The following PSMB2 variants were observed in gnomAD, a reference collection of about 807,000 sequenced individuals.
The protein encoded by PSMB2 is proteasome subunit beta type-2.
Under a neutral mutation model 25.7 loss-of-function variants are expected in PSMB2, and 13 were observed. The observed-to-expected ratio is 0.51, with a 90% CI of 0.33 to 0.80. PSMB2 has a LOEUF of 0.80. Ranked by LOEUF, PSMB2 falls within the 30% of genes least tolerant of loss-of-function variation. The pLI, the probability that PSMB2 is intolerant of heterozygous loss-of-function variation, is 0.02. For synonymous variants in PSMB2, 87 were observed against 96.2 expected, an observed-to-expected ratio of 0.90 and a Z score of 0.56; for missense variants, 202 against 259.0, an observed-to-expected ratio of 0.78 and a Z score of 1.51.
intron 5 of PSMB2, among the ~76,000 whole-genome samples, chr1:35,604,099 A>AAAC (rs1650089602): frequency 6.6e-6 from 1 of 151,884 alleles, no homozygotes; most frequent in African/African-American, 2.4e-5. Context: ...TGTAAGAAGC[A>AAAC]AACTGACATT....
intron 1 of PSMB2, among the ~76,000 whole-genome samples, chr1:35,636,812 G>T (rs765695609): frequency 3.7e-4 from 56 of 152,290 alleles, no homozygotes; most frequent in Non-Finnish European, 7.1e-4. Context: ...AGCATCTATG[G>T]ATTTGGGTAT....
Position 35,600,534 on chromosome 1 carries a change from G to C in PSMB2, c.*2733C>G, listed in dbSNP as rs1203605212. The C allele has an allele frequency of 3.0e-6, 3 of 984,936 alleles. No individual in the cohort carries two copies. Among genetic ancestry groups the C allele is most frequent in the South Asian group, 4.7e-5 (1 of 21,274 alleles). 61.0% of individuals were successfully genotyped at this position (984,936 alleles called of 1,614,324 possible). Reference sequence around the variant, plus strand: ...TTTATTAAAAATAAATGATGCCTGGGTTTCTGACTTGGGCACTTGGGAAAC... The same window carrying C: ...TTTATTAAAAATAAATGATGCCTGGCTTTCTGACTTGGGCACTTGGGAAAC... On this transcript the variant is annotated 3_prime_UTR_variant, in exon 6 of 6. Transcript: ENST00000373237.
At chr1:35,637,883 A>C (rs900773987) in intron 1 of PSMB2, among the ~76,000 whole-genome samples, 3 of 152,240 alleles carry the variant, frequency 2.0e-5, no homozygotes, top group Non-Finnish European at 4.4e-5. Context: ...GCAAAGAAAA[A>C]GGAGCAGAAG....
chr1:35,623,346 CCA>C (rs1571133667), intron 3 of PSMB2, among the ~76,000 whole-genome samples: 5 of 152,318 alleles, frequency 3.3e-5, no homozygotes, highest in Admixed American at 2.0e-4. Context: ...CAGTGACAAT[CCA>C]CAGTTAGCTC....
At position 35,600,154 on chromosome 1, in the gene PSMB2, A is replaced by G. The variant is rs1460050619; in HGVS notation, c.*3113T>C. On this transcript the variant is annotated 3_prime_UTR_variant, in exon 6 of 6. Transcript: ENST00000373237. The stretch of plus-strand genomic sequence containing the variant: ...CAAGACCCTGTCTCTGAAAAACAAC[A>G]ATAAAAAATTATAATAAAATTAAAA... 1 of 977,378 alleles carries G rather than the reference A, an allele frequency of 1.0e-6. No homozygotes were observed. The highest frequency in any genetic ancestry group is 1.7e-5 in the African/African-American group (1 of 57,172). 60.5% of individuals were successfully genotyped at this position (977,378 alleles called of 1,614,324 possible). A position where few individuals can be genotyped will look rare whatever the true frequency, so the allele number is the denominator to read the frequency against.
rs1222312902 is a variant in PSMB2, at chr1:35,600,759, C to T, written c.*2508G>A. On this transcript the variant is annotated 3_prime_UTR_variant, in exon 6 of 6. Transcript: ENST00000373237. The stretch of plus-strand genomic sequence containing the variant: ...CTGAGAGTCAGGATGGGTTTGCAGG[C>T]TTGCCTGAGATTGCCCTGGGGACAC... 2.0e-6 allele frequency: 2 copies of T among 985,312 alleles called. No homozygotes were observed. Among genetic ancestry groups the T allele is most frequent in the Non-Finnish European group, 2.4e-6 (2 of 829,948 alleles). The allele number at this position is 985,312 out of a possible 1,614,324, so 61.0% of individuals were successfully genotyped here.
chr1:35,621,615 T>C (rs563616539), intron 3 of PSMB2, among the ~76,000 whole-genome samples: 2 of 152,362 alleles, frequency 1.3e-5, no homozygotes, highest in East Asian at 1.9e-4. Flanking sequence ...TGGCCCTTTT[T>C]TTTTCATTTT....
chr1:35,631,616 T>G, intron 2 of PSMB2: 1 of 637,464 alleles, frequency 1.6e-6, no homozygotes, highest in Non-Finnish European at 2.2e-6. Flanking sequence ...AACTATTCAT[T>G]CATCAACACA....
intron 5 of PSMB2, among the ~76,000 whole-genome samples, chr1:35,604,294 G>T (rs982834040): frequency 1.3e-5 from 2 of 152,124 alleles, no homozygotes; most frequent in African/African-American, 4.8e-5. Context: ...GTTAGAAAGG[G>T]TGTGTTCTGT....
chr1:35,638,341 A>G (rs1347315713), intron 1 of PSMB2, among the ~76,000 whole-genome samples: 5 of 152,156 alleles, frequency 3.3e-5, no homozygotes, highest in Non-Finnish European at 7.3e-5. Flanking sequence ...CATACATGAA[A>G]CAAATGGCCA....
At chr1:35,604,330 T>C (rs2148560988) in intron 5 of PSMB2, among the ~76,000 whole-genome samples, 1 of 152,328 alleles carries the variant, frequency 6.6e-6, no homozygotes, top group South Asian at 2.1e-4. Context: ...AGCCAAAGTC[T>C]ACTCTCCCCT....
intron 4 of PSMB2, 146 bp downstream of exon 4, chr1:35,609,100 G>T: frequency 1.4e-6 from 1 of 728,728 alleles, no homozygotes; most frequent in Non-Finnish European, 2.0e-6. Flanking sequence ...ACAGAAGAGT[G>T]CAGCTTCCAG....
chr1:35,633,213 C>T (rs1283402849), intron 2 of PSMB2, among the ~76,000 whole-genome samples: 2 of 150,162 alleles, frequency 1.3e-5, no homozygotes, highest in Admixed American at 6.6e-5. Context: ...AGAACGAGAC[C>T]CTGACTCAAA....
intron 2 of PSMB2, among the ~76,000 whole-genome samples, chr1:35,633,184 G>A (rs535445610): frequency 4.5e-4 from 68 of 149,974 alleles, no homozygotes; most frequent in Admixed American, 1.8e-3. Context: ...CTGCACCACT[G>A]CACTCCAATC....
intron 4 of PSMB2, 139 bp from the exon 5 acceptor site, chr1:35,605,421 T>G (rs1650136695): frequency 1.2e-6 from 1 of 858,470 alleles, no homozygotes; most frequent in Non-Finnish European, 1.9e-6. Context: ...TGCTTTGCCT[T>G]CTAGCCTGCA....
chr1:35,610,988 ATT>A, intron 3 of PSMB2, among the ~76,000 whole-genome samples: 1 of 150,944 alleles, frequency 6.6e-6, no homozygotes, highest in Middle Eastern at 3.4e-3. Flanking sequence ...CAAATGGATG[ATT>A]TTTTTTTTCT....
chr1:35,624,833 C>T (rs148288328), intron 3 of PSMB2, among the ~76,000 whole-genome samples: 3,074 of 151,522 alleles, frequency 0.02, 90 homozygotes, highest in East Asian at 0.062. Flanking sequence ...GAGGCCGAGG[C>T]GGGTGGATCA....
At chr1:35,633,247 G>T (rs1191323550) in intron 2 of PSMB2, among the ~76,000 whole-genome samples, 6 of 150,878 alleles carry the variant, frequency 4.0e-5, no homozygotes, top group African/African-American at 1.5e-4. Context: ...AAAAAAGAAG[G>T]AACCTAGACA....
intron 3 of PSMB2, among the ~76,000 whole-genome samples, chr1:35,614,407 G>A (rs922556356): frequency 1.3e-4 from 20 of 152,122 alleles, no homozygotes; most frequent in Admixed American, 2.6e-4. Context: ...GTAATCCTTC[G>A]CAAAGATTAC....
Sources: gnomAD v4.1 joint callset for allele counts (sites outside exome capture counted in the v4.1 genomes callset) on GRCh38, gnomAD v4.1.1 for gene constraint, MANE v1.5 for transcripts, NCBI Gene and HGNC (gene_info 2026-07-23, HGNC 2026-07-21) for gene names.